The following FER1L6 variants were observed in gnomAD, a reference collection of about 807,000 sequenced individuals.
The protein encoded by FER1L6 is fer-1 like family member 6, also known as fer-1-like protein 6.
A neutral mutation model predicts 219.2 loss-of-function variants in FER1L6; 177 were observed. The ratio of observed to expected loss-of-function variants is 0.81; its 90% CI spans 0.71 to 0.91. The LOEUF is 0.91. Among genes scored for constraint, FER1L6 ranks in the 40% least tolerant of loss-of-function variants. FER1L6 has a pLI of 0.00. For missense variants in FER1L6, 2,153 were observed against 2,259.9 expected, an observed-to-expected ratio of 0.95 and a Z score of 0.96; for synonymous variants, 768 against 824.3, an observed-to-expected ratio of 0.93 and a Z score of 1.17.
chr8:124,084,165 C>CTTTAG (rs1357553850), intron 33 of FER1L6, among the ~76,000 whole-genome samples: 1 of 149,992 alleles, frequency 6.7e-6, no homozygotes, highest in African/African-American at 2.5e-5. Context: ...CTTGTGGAAT[C>CTTTAG]TTTAGTTTTT....
At chr8:123,918,667 A>C in intron 1 of FER1L6, among the ~76,000 whole-genome samples, 1 of 145,960 alleles carries the variant, frequency 6.9e-6, no homozygotes, top group Non-Finnish European at 1.5e-5. Context: ...TGTTTAGCAG[A>C]GAGCTGAGAG....
At chr8:123,976,385 C>T (rs1816074869) in intron 9 of FER1L6, among the ~76,000 whole-genome samples, 1 of 152,022 alleles carries the variant, frequency 6.6e-6, no homozygotes, top group African/African-American at 2.4e-5. Context: ...TGGTGCACCC[C>T]TGTAATCCCA....
chr8:124,101,309 T>C lies in FER1L6; in HGVS notation c.5096T>C (p.Phe1699Ser). 6.2e-7 allele frequency: 1 copy of C among 1,613,814 alleles called. No individual in the cohort carries two copies. The highest frequency in any genetic ancestry group is 8.5e-7 in the Non-Finnish European group (1 of 1,179,796). ...GTGTTGGTGCTGCAGGTTTGGGATT[T>C]TGAAAGGCTGTCCTCAGATGACTTC... ...PAVLVLQVWD[F>S]ERLSSDDFLG... The change falls in exon 38 of 41, where the codon TTT (phenylalanine) becomes TCT (serine). Residue 1699 changes from phenylalanine (F) to serine (S), a missense_variant. Transcript: ENST00000522917.
Position 123,852,696 on chromosome 8 carries a change from C to G in FER1L6, c.-8+511C>G, listed in dbSNP as rs548900956. 2.0e-5 allele frequency among the ~76,000 whole-genome samples: 3 copies of G among 152,166 alleles called. No individual in the cohort carries two copies. In the South Asian group the frequency reaches 6.2e-4, roughly 32 times the overall value. ...GAAAAGTTGCAAAGATAATTGAGTT[C>G]TCTTAAATTTCTCACTCAGTTTTCC... is the stretch of plus-strand genomic sequence containing the variant. On this transcript the variant is annotated intron_variant, in intron 1 of 40. Transcript: ENST00000522917. This position sits in a 1 kb window ranked among gnomAD's most constrained non-coding sequence, Gnocchi z 4.9.
chr8:123,877,787 A>T (rs2130289205), intron 1 of FER1L6, among the ~76,000 whole-genome samples: 1 of 152,118 alleles, frequency 6.6e-6, no homozygotes, highest in African/African-American at 2.4e-5. Flanking sequence ...AAAAAATGAA[A>T]TTATTATCTC....
intron 31 of FER1L6, among the ~76,000 whole-genome samples, chr8:124,075,744 T>G (rs550639090): frequency 1.3e-5 from 2 of 152,282 alleles, no homozygotes; most frequent in Admixed American, 1.3e-4. Flanking sequence ...TGTCACTAGA[T>G]CATAGGAATT....
Position 124,070,575 on chromosome 8 carries a change from G to C in FER1L6, c.3943G>C (p.Asp1315His). ...GGAAGATGACCATGGTCTTGATGGAGACCGAGTCATAGGAAAATTTAAGGC... is the reference window on the plus strand; with the variant it reads ...GGAAGATGACCATGGTCTTGATGGACACCGAGTCATAGGAAAATTTAAGGC... ...STEDDHGLDGDRVIGKFKGSF... is the reference protein window; with the variant it reads ...STEDDHGLDGHRVIGKFKGSF... Residue 1315 changes from aspartate to histidine, a missense_variant, in exon 30 of 41, where the codon GAC (aspartate) becomes CAC (histidine). By Grantham distance (81) the Asp-to-His change is moderately conservative. Transcript: ENST00000522917. 6.3e-7 allele frequency: 1 copy of C among 1,592,498 alleles called. No homozygotes were observed.
chr8:123,914,000 T>C (rs1813115933), intron 1 of FER1L6, among the ~76,000 whole-genome samples: 1 of 152,208 alleles, frequency 6.6e-6, no homozygotes, highest in African/African-American at 2.4e-5. Context: ...AATGATTTAT[T>C]GGGTCCTTTT....
intron 12 of FER1L6, among the ~76,000 whole-genome samples, chr8:123,987,449 A>G (rs1465572626): frequency 6.6e-6 from 1 of 152,076 alleles, no homozygotes; most frequent in Admixed American, 6.5e-5. Flanking sequence ...TAGGATGCAG[A>G]TATTTTCTCC....
intron 2 of FER1L6, among the ~76,000 whole-genome samples, chr8:123,958,345 G>T (rs1815110521): frequency 6.6e-6 from 1 of 152,182 alleles, no homozygotes; most frequent in Non-Finnish European, 1.5e-5. Flanking sequence ...CTGCCTTTGG[G>T]CTGGCTCTGG....
intron 1 of FER1L6, among the ~76,000 whole-genome samples, chr8:123,922,513 C>A (rs900841238): frequency 6.6e-6 from 1 of 152,144 alleles, no homozygotes; most frequent in African/African-American, 2.4e-5. Context: ...GTGCAGGGCC[C>A]CAGCAGCCCA....
chr8:124,118,483 G>A (rs148484236), intron 39 of FER1L6, among the ~76,000 whole-genome samples: 12 of 152,278 alleles, frequency 7.9e-5, no homozygotes, highest in African/African-American at 2.4e-4. Context: ...AGACTGTATC[G>A]GATTCAAAAG....
rs1395820306 is a variant in FER1L6, at chr8:124,082,266, G to A, written c.4221-22G>A. The A allele has an allele frequency of 2.5e-6, 4 of 1,599,756 alleles. No individual in the cohort carries two copies. In the Admixed American group the frequency reaches 6.9e-5, roughly 28 times the overall value. ...TGTCACCAAATGTTAACTGACTCTT[G>A]AAGTCTCTGCTTGGACCGCAGGTCA... On this transcript the variant is annotated intron_variant, in intron 32 of 40. Transcript: ENST00000522917.
chr8:123,975,686 T>C (rs1816036776), intron 8 of FER1L6, among the ~76,000 whole-genome samples: 1 of 152,226 alleles, frequency 6.6e-6, no homozygotes, highest in African/African-American at 2.4e-5. Context: ...GTATTTATCC[T>C]ATCCTAGGAC....
chr8:124,083,170 CTCTT>C (rs1453130265), intron 33 of FER1L6, among the ~76,000 whole-genome samples: 2 of 6,414 alleles, frequency 3.1e-4, no homozygotes, highest in Non-Finnish European at 2.0e-3. Flanking sequence ...AAATTATACT[CTCTT>C]AGTTATTTTA....
chr8:123,949,240 C>T (rs1409040074), intron 1 of FER1L6, among the ~76,000 whole-genome samples: 1 of 152,174 alleles, frequency 6.6e-6, no homozygotes, highest in Non-Finnish European at 1.5e-5. Context: ...GAATAGCACC[C>T]TCTTGGAGAG....
chr8:124,114,389 C>T (rs1173778569), intron 39 of FER1L6, among the ~76,000 whole-genome samples: 1 of 152,048 alleles, frequency 6.6e-6, no homozygotes, highest in Non-Finnish European at 1.5e-5. Flanking sequence ...ATGTTGTAAG[C>T]TCCATCCACT....
At chr8:124,097,226 T>C in intron 35 of FER1L6, 45 bp from the exon 36 acceptor site, 1 of 1,434,524 alleles carries the variant, frequency 7.0e-7, no homozygotes, top group African/African-American at 1.4e-5. Context: ...CCATGTCCCC[T>C]AGCCCCCTCC....
intron 39 of FER1L6, among the ~76,000 whole-genome samples, chr8:124,107,657 T>C (rs1822836924): frequency 1.3e-5 from 2 of 152,328 alleles, no homozygotes; most frequent in Non-Finnish European, 1.5e-5. Context: ...GTGATTTAAA[T>C]TCATTTGTTG....
Sources: allele counts gnomAD v4.1 joint callset (sites outside exome capture counted in the v4.1 genomes callset), GRCh38; gene constraint gnomAD v4.1.1; non-coding constraint Gnocchi (gnomAD v3.1); transcripts MANE v1.5; gene names NCBI Gene and HGNC (gene_info 2026-07-23, HGNC 2026-07-21).